Variants in ZNF469 observed in about 807,000 individuals in gnomAD.
The protein encoded by ZNF469 is zinc finger protein 469.
ZNF469 carries 1 observed loss-of-function variant against 1.0 expected under a neutral mutation model. That is an observed-to-expected ratio of 1.00 (90% confidence interval 0.35 to 4.73). The LOEUF (loss-of-function observed/expected upper bound fraction) is 4.73. ZNF469 is among the 30% of genes most tolerant of loss of function. The pLI is 0.16. For missense variants in ZNF469, 6,100 were observed against 5,356.3 expected (o/e 1.14, Z -4.33); for synonymous variants, 2,703 against 2,363.4 (o/e 1.14, Z -4.17).
At chr16:88,370,586 C>T in the ZNF469 span, among the ~76,000 whole-genome samples, 6 of 152,170 alleles carry the variant, frequency 3.9e-5, no homozygotes, top group Non-Finnish European at 7.3e-5. Flanking sequence ...TGGGCTGCTG[C>T]GTGCCTCACG....
chr16:88,251,584 A>C, the ZNF469 span, among the ~76,000 whole-genome samples: 1 of 77,484 alleles, frequency 1.3e-5, no homozygotes. Context: ...TTTGAGATGG[A>C]GACTTGCTGT....
chr16:88,181,856 A>G, the ZNF469 span, among the ~76,000 whole-genome samples: 1 of 152,246 alleles, frequency 6.6e-6, no homozygotes, highest in Admixed American at 6.5e-5. Flanking sequence ...CATCACTCTT[A>G]TTAACACTGT....
the ZNF469 span, among the ~76,000 whole-genome samples, chr16:88,298,465 A>G: frequency 1.3e-5 from 2 of 152,200 alleles, no homozygotes; most frequent in South Asian, 2.1e-4. Context: ...GGGAGCAGCC[A>G]CCAGTCCAGA....
At chr16:88,347,038 C>G in the ZNF469 span, among the ~76,000 whole-genome samples, 1 of 152,154 alleles carries the variant, frequency 6.6e-6, no homozygotes, top group African/African-American at 2.4e-5. Flanking sequence ...GATAAATTCA[C>G]AGGGAAAGAG....
chr16:88,355,661 G>A, the ZNF469 span, among the ~76,000 whole-genome samples: 2,208 of 152,252 alleles, frequency 0.015, 63 homozygotes, highest in East Asian at 0.061. Flanking sequence ...TCCAGGACCC[G>A]CAGGAAGCCC....
At chr16:88,332,373 G>A in the ZNF469 span, among the ~76,000 whole-genome samples, 28 of 152,338 alleles carry the variant, frequency 1.8e-4, no homozygotes, top group Admixed American at 1.4e-3. Flanking sequence ...GGAAGCACCC[G>A]TGGGAACCCA....
chr16:88,433,148 C>T lies in ZNF469; in HGVS notation c.5678C>T (p.Ser1893Phe). 1 of 1,550,306 alleles carries T rather than the reference C, an allele frequency of 6.5e-7. No individual in the cohort carries two copies. ...TCCAACACCCACCCTAGCAGGAGGT[C>T]CCAGGACCCAGCTTTGAGCCCCCCC... The part of the protein sequence containing the change: ...CVSNTHPSRR[S>F]QDPALSPPIR... Residue 1893 changes from serine (S) to phenylalanine (F), a missense_variant, in exon 3 of 3, where the codon TCC becomes TTC. Physicochemically the swap from Ser to Phe is radical, Grantham distance 155. Transcript: ENST00000565624.
At position 88,437,748 on chromosome 16, in the gene ZNF469, C is replaced by T. The variant is rs1379644612; in HGVS notation, c.10278C>T (p.Thr3426=). Residue 3426 remains threonine, a synonymous_variant, in exon 3 of 3, where the codon ACC becomes ACT. Coordinates refer to ENST00000565624, the MANE Select transcript of ZNF469 (RefSeq NM_001367624.2). ...KSFACSSCNY[T]FAKKEQFDRH... is the part of the protein sequence containing the mutation. ...TCGCCTGCAGCTCCTGCAACTACAC[C>T]TTCGCCAAGAAGGAGCAGTTCGACC... is the stretch of plus-strand genomic sequence containing the variant. 5.8e-6 allele frequency: 9 copies of T among 1,549,696 alleles called. No individual in the cohort carries two copies. The highest frequency in any genetic ancestry group is 2.7e-5 in the African/African-American group (2 of 73,044).
chr16:88,180,875 A>G, the ZNF469 span, among the ~76,000 whole-genome samples: 3 of 152,224 alleles, frequency 2.0e-5, no homozygotes, highest in African/African-American at 7.2e-5. Flanking sequence ...AAACACATGG[A>G]TCACAAAGTA....
chr16:88,140,972 A>G, the ZNF469 span, among the ~76,000 whole-genome samples: 2 of 152,126 alleles, frequency 1.3e-5, no homozygotes, highest in African/African-American at 4.8e-5. Context: ...AATCAAGTCT[A>G]GCGTATGGCC....
the ZNF469 span, among the ~76,000 whole-genome samples, chr16:88,108,647 G>A: frequency 6.6e-6 from 1 of 152,220 alleles, no homozygotes; most frequent in African/African-American, 2.4e-5. Flanking sequence ...TTCCCTGAAA[G>A]CAGGTGGTGG....
chr16:88,291,162 C>A, the ZNF469 span, among the ~76,000 whole-genome samples: 1 of 152,176 alleles, frequency 6.6e-6, no homozygotes, highest in Non-Finnish European at 1.5e-5. Context: ...TCCCCACTCC[C>A]CTCTTGGCTC....
chr16:88,405,527 G>A (rs1399250817), intron 1 of ZNF469, among the ~76,000 whole-genome samples: 1 of 152,182 alleles, frequency 6.6e-6, no homozygotes, highest in African/African-American at 2.4e-5. Flanking sequence ...TGAGGCATTT[G>A]CATCAGGGCC....
Position 88,435,652 on chromosome 16 carries a change from C to T in ZNF469, c.8182C>T (p.Arg2728Trp), listed in dbSNP as rs143073976. 6.6e-5 allele frequency: 102 copies of T among 1,550,352 alleles called. No individual in the cohort carries two copies. The highest frequency in any genetic ancestry group is 8.5e-5 in the Non-Finnish European group (97 of 1,146,998). The change falls in exon 3 of 3, where the codon CGG becomes TGG. Residue 2728 changes from arginine (R) to tryptophan (W), a missense_variant. Transcript: ENST00000565624. Reference sequence around the variant, plus strand: ...TGGGGCCCAGAAGCCACCTGGAGATCGGATGCTGTGTCCAGGGAGGATGGA... The same window carrying T: ...TGGGGCCCAGAAGCCACCTGGAGATTGGATGCTGTGTCCAGGGAGGATGGA... ...ETGAQKPPGD[R>W]MLCPGRMDGA...
chr16:88,102,523 C>G, the ZNF469 span, among the ~76,000 whole-genome samples: 1 of 152,328 alleles, frequency 6.6e-6, no homozygotes, highest in South Asian at 2.1e-4. Flanking sequence ...ACAAAACAAA[C>G]AAAAACAAAC....
chr16:88,124,837 G>A, the ZNF469 span, among the ~76,000 whole-genome samples: 6 of 152,052 alleles, frequency 3.9e-5, no homozygotes, highest in African/African-American at 1.2e-4. Context: ...ACCCGTCTCA[G>A]TGTTCCAAAG....
At chr16:88,243,070 C>T in the ZNF469 span, among the ~76,000 whole-genome samples, 3 of 152,208 alleles carry the variant, frequency 2.0e-5, no homozygotes, top group African/African-American at 4.8e-5. Flanking sequence ...TCTGCATCCC[C>T]TGGGCCCACT....
chr16:88,111,966 A>G, the ZNF469 span, among the ~76,000 whole-genome samples: 1 of 152,154 alleles, frequency 6.6e-6, no homozygotes, highest in African/African-American at 2.4e-5. Flanking sequence ...CCATCCCTTG[A>G]TTATTTCACT....
Position 88,424,171 on chromosome 16 carries a change from G to C in ZNF469, c.-191-636G>C, listed in dbSNP as rs900619100. On this transcript the variant is annotated intron_variant, in intron 1 of 2. Transcript: ENST00000565624. This position sits in a 1 kb window ranked among gnomAD's most constrained non-coding sequence, Gnocchi z 4.3. ...AGCAGCCCAGTGTCCATCCAGACAG[G>C]TCTGGGTGCTCTGCAGCCTGGATGC... Among the ~76,000 whole-genome samples the C allele has an allele frequency of 2.0e-5, 3 of 152,250 alleles. No homozygotes were observed. Among genetic ancestry groups the C allele is most frequent in the African/African-American group, 7.2e-5 (3 of 41,462 alleles).
Sources: gnomAD v4.1 joint callset for allele counts (sites outside exome capture counted in the v4.1 genomes callset) on GRCh38, gnomAD v4.1.1 for gene constraint, Gnocchi (gnomAD v3.1) non-coding constraint, MANE v1.5 for transcripts, NCBI Gene and HGNC (gene_info 2026-07-23, HGNC 2026-07-21) for gene names.